WDR27: variants seen among roughly 807,000 people sequenced by gnomAD.
WDR27 encodes the protein WD repeat-containing protein 27.
In WDR27, 100 loss-of-function variants were observed where a neutral mutation model predicts 114.4. The observed-to-expected ratio is 0.87, with a 90% CI of 0.74 to 1.03. The LOEUF is 1.03. Among genes scored for constraint, WDR27 ranks in the 50% least tolerant of loss-of-function variants. The pLI is 0.00. For missense variants in WDR27, 1,129 were observed against 1,092.9 expected, an observed-to-expected ratio of 1.03 and a Z score of -0.47; for synonymous variants, 449 against 423.1, an observed-to-expected ratio of 1.06 and a Z score of -0.75.
the WDR27 span, among the ~76,000 whole-genome samples, chr6:169,435,872 G>C: frequency 6.6e-6 from 1 of 152,182 alleles, no homozygotes; most frequent in Non-Finnish European, 1.5e-5. Context: ...TGAGATTTGG[G>C]AGGGCCCAGG....
intron 24 of WDR27, among the ~76,000 whole-genome samples, chr6:169,582,067 A>G (rs1803541819): frequency 6.6e-6 from 1 of 152,130 alleles, no homozygotes; most frequent in Admixed American, 6.5e-5. Context: ...GCCGCCTCCC[A>G]GGTTCAAGCG....
At chr6:169,500,424 C>G (rs542714215) in intron 25 of WDR27, among the ~76,000 whole-genome samples, 1 of 152,218 alleles carries the variant, frequency 6.6e-6, no homozygotes, top group South Asian at 2.1e-4. Context: ...TGCTGAAAAT[C>G]CAGGAGCTAT....
rs371094113 is a variant in WDR27 at position 169,654,179 on chromosome 6, A to G, written c.1403-2171T>C. ...CAAACCAAATTCAACAACACAACAA[A>G]AAGAGTATACATCATGGGATTTATC... On this transcript the variant is annotated intron_variant, in intron 13 of 25. Transcript: ENST00000448612. Among the ~76,000 whole-genome samples the G allele has an allele frequency of 3.3e-5, 5 of 152,242 alleles. No individual in the cohort carries two copies. In the East Asian group the frequency reaches 5.8e-4, roughly 18 times the overall value.
intron 17 of WDR27, among the ~76,000 whole-genome samples, chr6:169,641,050 G>A (rs1389181030): frequency 6.6e-6 from 1 of 152,196 alleles, no homozygotes; most frequent in Non-Finnish European, 1.5e-5. Flanking sequence ...CACGTCCAGT[G>A]GCCACTAAGC....
At chr6:169,600,699 G>A (rs905232102) in intron 23 of WDR27, among the ~76,000 whole-genome samples, 2 of 152,194 alleles carry the variant, frequency 1.3e-5, no homozygotes, top group Non-Finnish European at 2.9e-5. Flanking sequence ...CGATCAACTG[G>A]AAGAAAGGGT....
At chr6:169,491,665 G>GA (rs1392317987) in intron 25 of WDR27, among the ~76,000 whole-genome samples, 1 of 152,122 alleles carries the variant, frequency 6.6e-6, no homozygotes, top group Admixed American at 6.6e-5. Context: ...CACATTCCAC[G>GA]AAAGACCAGA....
At chr6:169,617,032 G>C (rs1811986441) in intron 21 of WDR27, among the ~76,000 whole-genome samples, 1 of 152,158 alleles carries the variant, frequency 6.6e-6, no homozygotes, top group African/African-American at 2.4e-5. Context: ...CCATGTGTAA[G>C]AGGCTAACGC....
downstream of WDR27, among the ~76,000 whole-genome samples, chr6:169,456,124 T>C (rs17640276): frequency 0.042 from 6,411 of 152,302 alleles, 176 homozygotes; most frequent in Non-Finnish European, 0.065. The surrounding 1 kb of genome is among the most constrained non-coding windows in gnomAD (Gnocchi z 4.0). Context: ...TAGTTTTAAA[T>C]AAATTTCATT....
intron 24 of WDR27, among the ~76,000 whole-genome samples, chr6:169,574,992 C>T (rs1459344186): frequency 6.6e-6 from 1 of 152,116 alleles, no homozygotes; most frequent in Non-Finnish European, 1.5e-5. Flanking sequence ...TGTCTATCTG[C>T]CTCTTTGAGC....
intron 3 of WDR27, 120 bp from the exon 4 acceptor site, chr6:169,670,813 C>T: frequency 1.5e-6 from 2 of 1,331,484 alleles, no homozygotes; most frequent in South Asian, 1.5e-5. Flanking sequence ...TGACAATGAG[C>T]TTTGATGTGA....
chr6:169,463,142 T>G (rs1450153066), intron 25 of WDR27, among the ~76,000 whole-genome samples: 1 of 152,222 alleles, frequency 6.6e-6, no homozygotes, highest in Non-Finnish European at 1.5e-5. Context: ...GAGCCTGGTT[T>G]CCATTTCTAA....
At chr6:169,664,068 A>C (rs887618446) in intron 8 of WDR27, 98 bp downstream of exon 8, 4 of 1,144,244 alleles carry the variant, frequency 3.5e-6, no homozygotes, top group African/African-American at 3.2e-5. Flanking sequence ...CTACATTGGG[A>C]TCTCTCTCTC....
intron 25 of WDR27, among the ~76,000 whole-genome samples, chr6:169,508,208 C>CA (rs911536603): frequency 5.3e-5 from 8 of 152,048 alleles, no homozygotes; most frequent in African/African-American, 1.9e-4. Context: ...ATCAGAAAAA[C>CA]AAAAAAACTT....
chr6:169,658,231 C>T (rs370368287), intron 13 of WDR27, 45 bp downstream of exon 13: 30 of 1,458,998 alleles, frequency 2.1e-5, no homozygotes, highest in African/African-American at 2.8e-5. Context: ...ACAATGAGAA[C>T]GCATCAGCCT....
At chr6:169,614,516 C>T (rs1300583645) in intron 21 of WDR27, among the ~76,000 whole-genome samples, 1 of 151,848 alleles carries the variant, frequency 6.6e-6, no homozygotes, top group Non-Finnish European at 1.5e-5. Flanking sequence ...GGTGAAATCC[C>T]GTCTCTATAA....
intron 10 of WDR27, among the ~76,000 whole-genome samples, chr6:169,660,086 C>T (rs1257903862): frequency 7.3e-5 from 11 of 149,728 alleles, no homozygotes; most frequent in African/African-American, 2.7e-4. Flanking sequence ...AGGAGAGGGA[C>T]GGAATCCAGC....
At chr6:169,664,120 G>A in intron 8 of WDR27, 46 bp downstream of exon 8, 1 of 1,515,002 alleles carries the variant, frequency 6.6e-7, no homozygotes, top group Non-Finnish European at 8.9e-7. Flanking sequence ...CCTGGTGAAA[G>A]ATCTGGGCCA....
At chr6:169,597,441 A>C (rs1040364669) in intron 23 of WDR27, among the ~76,000 whole-genome samples, 1 of 152,250 alleles carries the variant, frequency 6.6e-6, no homozygotes. Context: ...AAATTACATT[A>C]TTGTACTCCA....
chr6:169,665,663 T>A, intron 6 of WDR27, 107 bp from the exon 7 acceptor site: 3 of 1,040,714 alleles, frequency 2.9e-6, no homozygotes, highest in East Asian at 2.7e-5. Flanking sequence ...TTACTTACAG[T>A]ATTTCTGTTA....
Sources: gnomAD v4.1 joint callset for allele counts (sites outside exome capture counted in the v4.1 genomes callset) on GRCh38, gnomAD v4.1.1 for gene constraint, Gnocchi (gnomAD v3.1) non-coding constraint, MANE v1.5 for transcripts, NCBI Gene and HGNC (gene_info 2026-07-23, HGNC 2026-07-21) for gene names.